Variants in CASTOR2 observed in about 807,000 individuals in gnomAD.
CASTOR2 encodes GATS protein like 2.
In CASTOR2, 8 loss-of-function variants were observed where a neutral mutation model predicts 31.2. The ratio of observed to expected loss-of-function variants is 0.26; its 90% CI spans 0.15 to 0.46. CASTOR2 has a LOEUF of 0.46. Ranked by LOEUF, CASTOR2 falls within the 20% of genes least tolerant of loss-of-function variation. The probability of loss-of-function intolerance (pLI) is 0.99; values close to 1 mark genes in which losing one functional copy is unlikely to be tolerated. For synonymous variants in CASTOR2, 162 were observed against 158.7 expected (o/e 1.02, Z -0.16); for missense variants, 216 against 382.1 (o/e 0.57, Z 3.62).
At chr7:74,967,835 C>T (rs1433610011) in intron 1 of CASTOR2, among the ~76,000 whole-genome samples, 1 of 48,870 alleles carries the variant, frequency 2.0e-5, no homozygotes, top group Non-Finnish European at 4.0e-5. Flanking sequence ...GCGCCCGGCC[C>T]GTTTACAGTT....
chr7:75,023,523 A>G (rs2131958704), intron 7 of CASTOR2, among the ~76,000 whole-genome samples: 1 of 146,764 alleles, frequency 6.8e-6, no homozygotes, highest in African/African-American at 2.5e-5. Flanking sequence ...GCCCAGGCTG[A>G]AGTGCAATGG....
intron 1 of CASTOR2, among the ~76,000 whole-genome samples, chr7:74,974,381 G>GT (rs1270660716): frequency 4.7e-5 from 7 of 150,204 alleles, no homozygotes; most frequent in African/African-American, 1.7e-4. Flanking sequence ...AGGAAAAGAC[G>GT]TGAGTCCTGT....
intron 1 of CASTOR2, among the ~76,000 whole-genome samples, chr7:74,975,052 T>A (rs1421223601): frequency 6.6e-6 from 1 of 151,192 alleles, no homozygotes; most frequent in African/African-American, 2.4e-5. Context: ...CACTGCAACC[T>A]CTGCCTCCTG....
chr7:75,018,041 A>G lies in CASTOR2; in HGVS notation c.430A>G (p.Thr144Ala), dbSNP rs1240507723. The change falls in exon 4 of 9, where the codon ACC becomes GCC. Residue 144 changes from threonine (T) to alanine (A), a missense_variant. By Grantham distance (58) the Thr-to-Ala change is moderately conservative. Coordinates refer to ENST00000616305, the MANE Select transcript of CASTOR2 (RefSeq NM_001145064.3). ...CACCCACACATTGTCATCAGAGTTC[A>G]CCATCCTGCGGGTCGTCAATGGCGA... ...FVTHTLSSEFTILRVVNGETV... is the reference protein window; with the variant it reads ...FVTHTLSSEFAILRVVNGETV... 1 of 1,613,980 alleles carries G rather than the reference A, an allele frequency of 6.2e-7. No individual in the cohort carries two copies. The highest frequency in any genetic ancestry group is 1.3e-5 in the African/African-American group (1 of 74,894).
In CASTOR2 at chr7:75,030,091, C is replaced by T. The variant is rs1805258544; in HGVS notation, c.*5392C>T. On this transcript the variant is annotated 3_prime_UTR_variant, in exon 9 of 9. Transcript: ENST00000616305. The stretch of plus-strand genomic sequence containing the variant: ...AGGCCTGAGCCATGGCATCCAGGGA[C>T]AGCCTGGTGGCCGAGAGAGCTTGTG... 6.6e-6 allele frequency among the ~76,000 whole-genome samples: 1 copy of T among 152,242 alleles called. No homozygotes were observed. The highest frequency in any genetic ancestry group is 2.4e-5 in the African/African-American group (1 of 41,460).
At chr7:75,004,533 A>T (rs1584470682) in intron 1 of CASTOR2, among the ~76,000 whole-genome samples, 2 of 148,946 alleles carry the variant, frequency 1.3e-5, no homozygotes, top group African/African-American at 5.0e-5. Flanking sequence ...GCTCACAGCA[A>T]CCTCCCAGGT....
rs929690545 is a variant in CASTOR2 at position 75,024,924 on chromosome 7, G to A, written c.*225G>A. Reference sequence around the variant, plus strand: ...GGAGCCCCCCGACCCTCCAGAGAACGACCTTTCTCTTCCCTACCTCCCCCA... The same window carrying A: ...GGAGCCCCCCGACCCTCCAGAGAACAACCTTTCTCTTCCCTACCTCCCCCA... On this transcript the variant is annotated 3_prime_UTR_variant, in exon 9 of 9. Transcript: ENST00000616305. 9 of 1,073,382 alleles carry A rather than the reference G, an allele frequency of 8.4e-6. No homozygotes were observed. Among genetic ancestry groups the A allele is most frequent in the African/African-American group, 4.8e-5 (3 of 62,694 alleles). The allele number at this position is 1,073,382 out of a possible 1,614,324, so 66.5% of individuals were successfully genotyped here.
intron 2 of CASTOR2, among the ~76,000 whole-genome samples, chr7:75,009,538 G>A (rs1804687478): frequency 6.6e-6 from 1 of 151,948 alleles, no homozygotes; most frequent in African/African-American, 2.4e-5. Context: ...AAAATGCTGG[G>A]ATTACAGGCG....
At chr7:74,997,222 A>ATTT (rs1203331058) in intron 1 of CASTOR2, among the ~76,000 whole-genome samples, 1 of 150,180 alleles carries the variant, frequency 6.7e-6, no homozygotes, top group Non-Finnish European at 1.5e-5. Flanking sequence ...CCCTGCTAAT[A>ATTT]TTTTTTTTTA....
At position 75,028,209 on chromosome 7, in the gene CASTOR2, T is replaced by C; in HGVS notation, c.*3510T>C. On this transcript the variant is annotated 3_prime_UTR_variant, in exon 9 of 9. Coordinates refer to ENST00000616305, the MANE Select transcript of CASTOR2 (RefSeq NM_001145064.3). ...CTCAGCTCACTGCAGCAACCTCCAC[T>C]TCCTGGGTTCAAGCGAGTCTCCTAC... 2 of 854,168 alleles carry C rather than the reference T, an allele frequency of 2.3e-6. No homozygotes were observed. The highest frequency in any genetic ancestry group is 3.5e-6 in the Non-Finnish European group (2 of 575,826). 52.9% of individuals were successfully genotyped at this position (854,168 alleles called of 1,614,324 possible). A position where few individuals can be genotyped will look rare whatever the true frequency, so the allele number is the denominator to read the frequency against.
chr7:74,988,659 C>T (rs1470899267), intron 1 of CASTOR2, among the ~76,000 whole-genome samples: 5 of 151,936 alleles, frequency 3.3e-5, no homozygotes, highest in Admixed American at 6.6e-5. Flanking sequence ...ATTTTTGGTT[C>T]GTGACGTACT....
At chr7:75,000,347 C>T (rs1804464599) in intron 1 of CASTOR2, among the ~76,000 whole-genome samples, 1 of 152,100 alleles carries the variant, frequency 6.6e-6, no homozygotes, top group Non-Finnish European at 1.5e-5. Context: ...CAGGTGAGGC[C>T]CTGATCCCTT....
rs916039239 is a variant in CASTOR2, at chr7:75,025,507, C to G, written c.*808C>G. Among the ~76,000 whole-genome samples, 3 of 152,216 alleles carry G rather than the reference C, an allele frequency of 2.0e-5. No individual in the cohort carries two copies. The highest frequency in any genetic ancestry group is 4.8e-5 in the African/African-American group (2 of 41,462). Reference sequence around the variant, plus strand: ...GGGCAGGTAGAGCCTCAGCTTCCCCCAGTAGGGACATCCCTGGCTTTCCAG... The same window carrying G: ...GGGCAGGTAGAGCCTCAGCTTCCCCGAGTAGGGACATCCCTGGCTTTCCAG... On this transcript the variant is annotated 3_prime_UTR_variant, in exon 9 of 9. Coordinates refer to ENST00000616305, the MANE Select transcript of CASTOR2 (RefSeq NM_001145064.3).
In CASTOR2 at chr7:75,026,489, C is replaced by A. The variant is rs927263595; in HGVS notation, c.*1790C>A. ...ACAGGCGTGAGCCACCACACCCAGCCGAGTTGTGCTGTTTCTGTGGTCAGA... is the reference window on the plus strand; with the variant it reads ...ACAGGCGTGAGCCACCACACCCAGCAGAGTTGTGCTGTTTCTGTGGTCAGA... On this transcript the variant is annotated 3_prime_UTR_variant, in exon 9 of 9. Coordinates refer to ENST00000616305, the MANE Select transcript of CASTOR2 (RefSeq NM_001145064.3). Among the ~76,000 whole-genome samples the A allele has an allele frequency of 6.6e-5, 10 of 152,150 alleles. No individual in the cohort carries two copies. Among genetic ancestry groups the A allele is most frequent in the Admixed American group, 2.0e-4 (3 of 15,268 alleles).
Position 74,997,013 on chromosome 7 carries a change from G to A in CASTOR2, c.114-10981G>A, listed in dbSNP as rs1432205210. On this transcript the variant is annotated intron_variant, in intron 1 of 8. Transcript: ENST00000616305. ...GCCTCCCAAAGTGCTGGGATTACAGGCATGAGCCACCGCGCCCAGCCGCCT... is the reference window on the plus strand; with the variant it reads ...GCCTCCCAAAGTGCTGGGATTACAGACATGAGCCACCGCGCCCAGCCGCCT... Among the ~76,000 whole-genome samples the A allele has an allele frequency of 5.2e-4, 78 of 149,852 alleles. 3 individuals are homozygous for A. The highest frequency in any genetic ancestry group is 1.9e-3 in the African/African-American group (76 of 40,664).
At chr7:75,009,325 A>G (rs1296600448) in intron 2 of CASTOR2, among the ~76,000 whole-genome samples, 1 of 111,314 alleles carries the variant, frequency 9.0e-6, no homozygotes, top group East Asian at 3.1e-4. Flanking sequence ...GCTGGAGTGC[A>G]GTGGTGTGAT....
At position 75,024,734 on chromosome 7, in the gene CASTOR2, G is replaced by A. The variant is rs1395785360; in HGVS notation, c.*35G>A. On this transcript the variant is annotated 3_prime_UTR_variant, in exon 9 of 9. Transcript: ENST00000616305. ...TTCTGCTCCTCCCTGCCGCCGCCCG[G>A]GCCCAGCCCTAACCCTGAAGATTGA... The A allele has an allele frequency of 1.9e-6, 3 of 1,551,402 alleles. No individual in the cohort carries two copies. The Admixed American group carries it at 5.9e-5, about 30-fold the overall frequency.
Position 74,998,325 on chromosome 7 carries a change from C to CG in CASTOR2, c.114-9666dup, listed in dbSNP as rs1390994623. On this transcript the variant is annotated intron_variant, in intron 1 of 8. Coordinates refer to ENST00000616305, the MANE Select transcript of CASTOR2 (RefSeq NM_001145064.3). ...TTGCTCGCAAAGACAGAAATGGGGC[C>CG]GGGCACGGTGGCTCACACTTGTAAT... 3.4e-4 allele frequency among the ~76,000 whole-genome samples: 52 copies of CG among 152,244 alleles called. 2 individuals are homozygous for CG. The highest frequency in any genetic ancestry group is 1.2e-3 in the African/African-American group (51 of 41,532).
At chr7:75,015,553 C>T (rs1251929434) in intron 2 of CASTOR2, among the ~76,000 whole-genome samples, 6 of 152,110 alleles carry the variant, frequency 3.9e-5, no homozygotes, top group African/African-American at 9.7e-5. Flanking sequence ...AGTGGGAGTA[C>T]GGGCATGAGC....
Sources: gnomAD v4.1 joint callset for allele counts (sites outside exome capture counted in the v4.1 genomes callset) on GRCh38, gnomAD v4.1.1 for gene constraint, MANE v1.5 for transcripts, NCBI Gene and HGNC (gene_info 2026-07-23, HGNC 2026-07-21) for gene names.